MCTP1: variants seen among roughly 807,000 people sequenced by gnomAD.
The protein encoded by MCTP1 is multiple C2 and transmembrane domain containing 1.
A neutral mutation model predicts 120.6 loss-of-function variants in MCTP1; 69 were observed. The observed-to-expected ratio is 0.57, with a 90% confidence interval of 0.47 to 0.70. The LOEUF (loss-of-function observed/expected upper bound fraction) is 0.70, where lower values mean the gene tolerates loss of function less well. MCTP1 is among the 30% of genes least tolerant of loss of function. The probability of loss-of-function intolerance (pLI) is 0.00; values close to 1 mark genes in which losing one functional copy is unlikely to be tolerated. For missense variants in MCTP1, 1,203 were observed against 1,248.8 expected, an observed-to-expected ratio of 0.96 and a Z score of 0.55; for synonymous variants, 529 against 493.1, an observed-to-expected ratio of 1.07 and a Z score of -0.96.
intron 1 of MCTP1, among the ~76,000 whole-genome samples, chr5:95,200,580 A>G (rs1167091280): frequency 6.6e-6 from 1 of 152,214 alleles, no homozygotes; most frequent in Non-Finnish European, 1.5e-5. Context: ...TATTGTATTA[A>G]GTGAAATAAG....
At chr5:95,214,495 C>G (rs1368637826) in intron 1 of MCTP1, among the ~76,000 whole-genome samples, 1 of 152,086 alleles carries the variant, frequency 6.6e-6, no homozygotes, top group Non-Finnish European at 1.5e-5. Context: ...TACCATTTGA[C>G]CTAGCCATCC....
intron 19 of MCTP1, among the ~76,000 whole-genome samples, chr5:94,737,828 C>T (rs1233152192): frequency 1.3e-5 from 2 of 152,108 alleles, no homozygotes; most frequent in Admixed American, 1.3e-4. Flanking sequence ...AGGTGTGCGC[C>T]ACCACACTTG....
intron 19 of MCTP1, among the ~76,000 whole-genome samples, chr5:94,723,398 T>C (rs1000134211): frequency 6.6e-6 from 1 of 152,230 alleles, no homozygotes; most frequent in Non-Finnish European, 1.5e-5. Context: ...TTTTGAGATA[T>C]TAGAGGGAAT....
chr5:95,220,408 T>A (rs1753557730), intron 1 of MCTP1, among the ~76,000 whole-genome samples: 1 of 151,978 alleles, frequency 6.6e-6, no homozygotes, highest in South Asian at 2.1e-4. Flanking sequence ...GACGGAATCA[T>A]AATCTAAAAG....
chr5:94,867,720 G>C, intron 17 of MCTP1: 1 of 221,860 alleles, frequency 4.5e-6, no homozygotes, highest in Admixed American at 5.5e-5. Flanking sequence ...GGTCTCATCA[G>C]AAGTTTTTAA....
At chr5:94,748,289 T>C (rs1206949376) in intron 19 of MCTP1, among the ~76,000 whole-genome samples, 1 of 152,190 alleles carries the variant, frequency 6.6e-6, no homozygotes, top group Non-Finnish European at 1.5e-5. Context: ...CAGTTGCATG[T>C]ACAGTTAGGA....
At chr5:95,039,484 A>G (rs1841944223) in intron 1 of MCTP1, among the ~76,000 whole-genome samples, 1 of 152,220 alleles carries the variant, frequency 6.6e-6, no homozygotes, top group South Asian at 2.1e-4. Flanking sequence ...GGCATAAATA[A>G]TAATGATTAA....
chr5:95,261,639 G>A (rs959129107), intron 1 of MCTP1, among the ~76,000 whole-genome samples: 4 of 152,182 alleles, frequency 2.6e-5, no homozygotes, highest in Non-Finnish European at 5.9e-5. Context: ...ATGTTCATCT[G>A]TCACCAAGCC....
At chr5:94,916,232 G>T (rs1448571888) in intron 8 of MCTP1, among the ~76,000 whole-genome samples, 1 of 152,160 alleles carries the variant, frequency 6.6e-6, no homozygotes, top group Non-Finnish European at 1.5e-5. Flanking sequence ...AAAGGTAAAA[G>T]ATATAAACAT....
At chr5:95,101,012 T>C (rs115658872) in intron 1 of MCTP1, among the ~76,000 whole-genome samples, 254 of 152,318 alleles carry the variant, frequency 1.7e-3, no homozygotes, top group African/African-American at 5.9e-3. Context: ...TTTGAACGTT[T>C]TATGCCAGTG....
At chr5:94,798,397 A>C (rs921682110) in intron 18 of MCTP1, among the ~76,000 whole-genome samples, 1 of 152,124 alleles carries the variant, frequency 6.6e-6, no homozygotes, top group African/African-American at 2.4e-5. Context: ...GTCTCATACA[A>C]TCTGCTTTCA....
At chr5:95,126,210 T>C (rs2881772) in intron 1 of MCTP1, among the ~76,000 whole-genome samples, 2,382 of 152,304 alleles carry the variant, frequency 0.016, 57 homozygotes, top group African/African-American at 0.055. Flanking sequence ...AGAAACCAGT[T>C]ACCTCTACAT....
At chr5:95,236,197 G>A (rs537755393) in intron 1 of MCTP1, among the ~76,000 whole-genome samples, 1 of 152,312 alleles carries the variant, frequency 6.6e-6, no homozygotes, top group South Asian at 2.1e-4. Context: ...ATTCCTTGCT[G>A]ATGATATTCT....
At chr5:94,953,474 A>G in intron 2 of MCTP1, 113 bp from the exon 3 acceptor site, 1 of 763,530 alleles carries the variant, frequency 1.3e-6, no homozygotes, top group Non-Finnish European at 1.9e-6. Flanking sequence ...AATGAAAATT[A>G]TCTATGCAGA....
chr5:95,195,721 C>T (rs10070790), intron 1 of MCTP1, among the ~76,000 whole-genome samples: 30,440 of 151,560 alleles, frequency 0.2, 3,205 homozygotes, highest in Non-Finnish European at 0.23. Context: ...ATAAAGTGAC[C>T]GAGCTGAGAT....
At chr5:95,080,777 C>G (rs1163660529) in intron 1 of MCTP1, among the ~76,000 whole-genome samples, 1 of 152,166 alleles carries the variant, frequency 6.6e-6, no homozygotes, top group Admixed American at 6.5e-5. Context: ...ACAGGTTTCT[C>G]TAGCCATGCA....
chr5:95,260,064 T>C (rs199930744), intron 1 of MCTP1, among the ~76,000 whole-genome samples: 11 of 152,216 alleles, frequency 7.2e-5, no homozygotes, highest in Middle Eastern at 3.2e-3. Flanking sequence ...TTTTTATTAA[T>C]TGTGCTTTTA....
At chr5:95,126,171 C>A (rs1236269562) in intron 1 of MCTP1, among the ~76,000 whole-genome samples, 1 of 152,124 alleles carries the variant, frequency 6.6e-6, no homozygotes, top group African/African-American at 2.4e-5. Flanking sequence ...CACCACCAGG[C>A]CTGCACTGTT....
intron 19 of MCTP1, among the ~76,000 whole-genome samples, chr5:94,755,526 C>T (rs1445134777): frequency 2.0e-5 from 3 of 152,176 alleles, no homozygotes; most frequent in African/African-American, 4.8e-5. Context: ...CCGAGGACCA[C>T]GACCACAACT....
Sources: gnomAD v4.1 joint callset for allele counts (sites outside exome capture counted in the v4.1 genomes callset) on GRCh38, gnomAD v4.1.1 for gene constraint, MANE v1.5 for transcripts, NCBI Gene and HGNC (gene_info 2026-07-23, HGNC 2026-07-21) for gene names.